TRPM3: variants seen among roughly 807,000 people sequenced by gnomAD.
The protein encoded by TRPM3 is long transient receptor potential channel 3.
In TRPM3, 77 loss-of-function variants were observed where a neutral mutation model predicts 181.2. That is an observed-to-expected ratio of 0.42 (90% CI 0.35 to 0.51). TRPM3 has a LOEUF of 0.51. Ranked by LOEUF, TRPM3 falls within the 20% of genes least tolerant of loss-of-function variation. TRPM3 has a pLI of 0.01. For missense variants in TRPM3, 1,759 were observed against 2,196.7 expected (o/e 0.80, Z 3.98); for synonymous variants, 745 against 796.4 (o/e 0.94, Z 1.09).
At chr9:71,157,143 C>T (rs1033946366) in intron 1 of TRPM3, among the ~76,000 whole-genome samples, 1 of 152,024 alleles carries the variant, frequency 6.6e-6, no homozygotes, top group Non-Finnish European at 1.5e-5. Context: ...GTTTATTTTC[C>T]AAACATTAAT....
chr9:71,236,358 A>C (rs1037132620), intron 1 of TRPM3, among the ~76,000 whole-genome samples: 1 of 152,030 alleles, frequency 6.6e-6, no homozygotes, highest in Non-Finnish European at 1.5e-5. Flanking sequence ...AAAATCTTAT[A>C]ATTTCCATCT....
At position 71,320,863 on chromosome 9, in the gene TRPM3, A is replaced by T. The variant is rs551068085; in HGVS notation, c.183+125790T>A. 1.9e-4 allele frequency among the ~76,000 whole-genome samples: 29 copies of T among 151,990 alleles called. No homozygotes were observed. The South Asian group carries it at 6.0e-3, about 32-fold the overall frequency. ...AGTGTTGATCTTCCTCCTCAAAAGG[A>T]TCCTCTTCCACAATTCCCCTATCTC... is the stretch of plus-strand genomic sequence containing the variant. On this transcript the variant is annotated intron_variant, in intron 1 of 24. Coordinates refer to the TRPM3 transcript ENST00000357533.
chr9:71,294,685 T>C (rs573326205), intron 1 of TRPM3, among the ~76,000 whole-genome samples: 1 of 152,136 alleles, frequency 6.6e-6, no homozygotes, highest in South Asian at 2.1e-4. Context: ...CATGAGAAAA[T>C]GTCCACAAAA....
At chr9:71,250,289 G>A (rs1387433205) in intron 1 of TRPM3, among the ~76,000 whole-genome samples, 2 of 152,060 alleles carry the variant, frequency 1.3e-5, no homozygotes, top group Non-Finnish European at 2.9e-5. Context: ...CTAAAGTTGG[G>A]ATCGTAAGTT....
chr9:70,749,729 G>A (rs112081236), intron 8 of TRPM3, among the ~76,000 whole-genome samples: 3,748 of 152,250 alleles, frequency 0.025, 69 homozygotes, highest in Non-Finnish European at 0.038. Flanking sequence ...AGTCATCCTG[G>A]AGAAGGCAAC....
intron 1 of TRPM3, among the ~76,000 whole-genome samples, chr9:70,890,272 G>A (rs935453575): frequency 1.3e-5 from 2 of 151,736 alleles, no homozygotes; most frequent in African/African-American, 4.8e-5. Flanking sequence ...GAAGATAAAG[G>A]TGAGGAAGCA....
chr9:71,211,873 T>G (rs995457082), intron 1 of TRPM3, among the ~76,000 whole-genome samples: 2 of 152,166 alleles, frequency 1.3e-5, no homozygotes, highest in African/African-American at 4.8e-5. Context: ...GTACTGTGGG[T>G]TAGGACTTCT....
At chr9:71,218,509 T>C (rs191211573) in intron 1 of TRPM3, among the ~76,000 whole-genome samples, 5 of 152,344 alleles carry the variant, frequency 3.3e-5, no homozygotes, top group African/African-American at 7.2e-5. Flanking sequence ...AGTTTTTCAT[T>C]ATCTATGAAA....
chr9:70,535,250 A>C lies in TRPM3; in HGVS notation c.*703T>G, dbSNP rs1343169879. On this transcript the variant is annotated 3_prime_UTR_variant, in exon 26 of 26. Coordinates refer to ENST00000677713, the MANE Select transcript of TRPM3 (RefSeq NM_001366145.2). ...CTTTCATTTCGATTGCAATACAAAA[A>C]GGCATTTCTGTTCCCTTATTTTCTT... The C allele has an allele frequency of 1.5e-5, 10 of 680,406 alleles. No individual in the cohort carries two copies. The East Asian group carries it at 2.5e-4, about 17-fold the overall frequency. 42.1% of individuals were successfully genotyped at this position (680,406 alleles called of 1,614,324 possible).
intron 1 of TRPM3, among the ~76,000 whole-genome samples, chr9:71,325,132 A>C (rs746701329): frequency 2.6e-5 from 4 of 152,148 alleles, no homozygotes; most frequent in Non-Finnish European, 4.4e-5. Flanking sequence ...ATATGTAAAA[A>C]AATTTCTCAC....
chr9:71,202,450 A>G (rs1352143268), intron 1 of TRPM3, among the ~76,000 whole-genome samples: 1 of 152,148 alleles, frequency 6.6e-6, no homozygotes, highest in East Asian at 1.9e-4. Context: ...CCCTCATGAG[A>G]GGCCTTGGTC....
At chr9:71,074,800 T>C (rs1442770737) in intron 1 of TRPM3, among the ~76,000 whole-genome samples, 1 of 152,132 alleles carries the variant, frequency 6.6e-6, no homozygotes, top group Non-Finnish European at 1.5e-5. Context: ...GCAAACAGAA[T>C]TCATCAGTAG....
chr9:71,229,560 A>T (rs2080913360), intron 1 of TRPM3, among the ~76,000 whole-genome samples: 1 of 152,166 alleles, frequency 6.6e-6, no homozygotes, highest in Non-Finnish European at 1.5e-5. Flanking sequence ...CAAACTACCC[A>T]CCTGACAAGA....
intron 25 of TRPM3, among the ~76,000 whole-genome samples, chr9:70,539,346 G>A (rs994427899): frequency 2.0e-5 from 3 of 152,142 alleles, no homozygotes; most frequent in African/African-American, 4.8e-5. Flanking sequence ...GCATGGGGGT[G>A]TGACTCCCCT....
rs1198326354 is a variant in TRPM3 at position 71,408,372 on chromosome 9, TG to T, written c.183+38280del. Among the ~76,000 whole-genome samples, 3 of 152,064 alleles carry T rather than the reference TG, an allele frequency of 2.0e-5. No individual in the cohort carries two copies. The East Asian group carries it at 5.8e-4, about 29-fold the overall frequency. On this transcript the variant is annotated intron_variant, in intron 1 of 24. Coordinates refer to the TRPM3 transcript ENST00000357533. ...AAACCTTGAAAAAAGATTAGACGAA[TG>T]GCTAACAAGAATAGAGAGCATAGAG...
chr9:70,823,177 A>G (rs2093322225), intron 6 of TRPM3, among the ~76,000 whole-genome samples: 1 of 151,700 alleles, frequency 6.6e-6, no homozygotes, highest in African/African-American at 2.4e-5. Context: ...AAATCCAACC[A>G]CTTTCTACTA....
intron 1 of TRPM3, among the ~76,000 whole-genome samples, chr9:71,072,286 A>G (rs1161125925): frequency 1.3e-5 from 2 of 152,094 alleles, no homozygotes; most frequent in Admixed American, 6.6e-5. Flanking sequence ...TCATGAATTA[A>G]TTTTTTTAAG....
intron 1 of TRPM3, among the ~76,000 whole-genome samples, chr9:71,074,977 C>T (rs2063258827): frequency 6.6e-6 from 1 of 151,988 alleles, no homozygotes; most frequent in Admixed American, 6.6e-5. Context: ...TTATTTTATG[C>T]TATATGTCAG....
chr9:71,266,295 G>T (rs576444011), intron 1 of TRPM3, among the ~76,000 whole-genome samples: 2 of 151,862 alleles, frequency 1.3e-5, no homozygotes, highest in African/African-American at 4.8e-5. Context: ...TCAAAACAAA[G>T]AAAAATTAAT....
Sources: gnomAD v4.1 joint callset for allele counts (sites outside exome capture counted in the v4.1 genomes callset) on GRCh38, gnomAD v4.1.1 for gene constraint, MANE v1.5 for transcripts, NCBI Gene and HGNC (gene_info 2026-07-23, HGNC 2026-07-21) for gene names.